ANO4: variants seen among roughly 807,000 people sequenced by gnomAD.
ANO4 encodes anoctamin-4.
In ANO4, 69 loss-of-function variants were observed where a neutral mutation model predicts 141.9. That is an observed-to-expected ratio of 0.49 (90% confidence interval 0.40 to 0.59). The LOEUF is 0.59. Among genes scored for constraint, ANO4 ranks in the 20% least tolerant of loss-of-function variants. The probability of loss-of-function intolerance (pLI) is 0.00; values close to 1 mark genes in which losing one functional copy is unlikely to be tolerated. For synonymous variants in ANO4, 350 were observed against 394.3 expected (o/e 0.89, Z 1.33); for missense variants, 894 against 1,162.2 (o/e 0.77, Z 3.36).
intron 5 of ANO4, among the ~76,000 whole-genome samples, chr12:100,943,902 C>T (rs2042611293): frequency 6.6e-6 from 1 of 152,012 alleles, no homozygotes; most frequent in South Asian, 2.1e-4. Context: ...ATTCTCATTC[C>T]TAAGTGGCAG....
chr12:101,116,580 T>A (rs915798846), intron 24 of ANO4, 99 bp from the exon 25 acceptor site: 1 of 1,554,890 alleles, frequency 6.4e-7, no homozygotes, highest in African/African-American at 1.4e-5. Context: ...GTTAAAGGCA[T>A]TTACAATTGC....
intron 1 of ANO4, among the ~76,000 whole-genome samples, chr12:100,899,328 A>C (rs570258529): frequency 6.6e-6 from 1 of 152,346 alleles, no homozygotes; most frequent in African/African-American, 2.4e-5. Flanking sequence ...GTTAGCTCAC[A>C]CTGAGAACCC....
intron 5 of ANO4, among the ~76,000 whole-genome samples, chr12:100,968,164 G>C (rs1399597232): frequency 2.6e-5 from 4 of 152,102 alleles, no homozygotes; most frequent in Non-Finnish European, 1.5e-5. Flanking sequence ...AATCAAAACA[G>C]CTATCCTTTT....
chr12:100,934,447 A>T (rs944416052), intron 3 of ANO4, among the ~76,000 whole-genome samples: 1 of 151,910 alleles, frequency 6.6e-6, no homozygotes, highest in Non-Finnish European at 1.5e-5. Flanking sequence ...GTTCCGTTCC[A>T]TTGGTCTATA....
intron 8 of ANO4, among the ~76,000 whole-genome samples, chr12:100,993,660 T>C (rs1263978876): frequency 6.6e-6 from 1 of 152,102 alleles, no homozygotes; most frequent in African/African-American, 2.4e-5. Flanking sequence ...TATTCTGCCA[T>C]CCCCTAAATC....
Position 100,947,421 on chromosome 12 carries a change from G to A in ANO4, c.456+4886G>A, listed in dbSNP as rs142739812. ...TGTCCTGTCCATACTCATTGGTAAG[G>A]CCAACCCTTCACTTTGCTTCTAAGA... On this transcript the variant is annotated intron_variant, in intron 5 of 27. Coordinates refer to ENST00000392977, the MANE Select transcript of ANO4 (RefSeq NM_001286615.2). Among the ~76,000 whole-genome samples, 37 of 152,250 alleles carry A rather than the reference G, an allele frequency of 2.4e-4. No homozygotes were observed. The East Asian group carries it at 6.4e-3, about 26-fold the overall frequency.
intron 1 of ANO4, among the ~76,000 whole-genome samples, chr12:100,811,224 A>G (rs1418738506): frequency 6.6e-6 from 1 of 152,202 alleles, no homozygotes; most frequent in Non-Finnish European, 1.5e-5. Context: ...GCTGAAAATT[A>G]TAAATTACCT....
chr12:100,761,054 C>T (rs1219991251), intron 3 of ANO4, among the ~76,000 whole-genome samples: 6 of 152,146 alleles, frequency 3.9e-5, no homozygotes, highest in Non-Finnish European at 8.8e-5. Context: ...TCCTTAATGC[C>T]TCTAGCCATT....
chr12:100,936,736 AT>A (rs1202045561), intron 3 of ANO4, among the ~76,000 whole-genome samples: 1 of 152,130 alleles, frequency 6.6e-6, no homozygotes, highest in African/African-American at 2.4e-5. Context: ...TAAGACCAAA[AT>A]ACTCACTTTA....
At chr12:100,926,569 G>A (rs561469996) in intron 3 of ANO4, among the ~76,000 whole-genome samples, 18 of 151,842 alleles carry the variant, frequency 1.2e-4, no homozygotes, top group South Asian at 2.1e-4. Flanking sequence ...TTAGGAACAG[G>A]CATTTACATG....
intron 2 of ANO4, among the ~76,000 whole-genome samples, chr12:100,921,887 G>A (rs1040241638): frequency 6.6e-6 from 1 of 152,192 alleles, no homozygotes; most frequent in African/African-American, 2.4e-5. Context: ...AATCCATGTG[G>A]AAGCTGAAAA....
chr12:100,890,064 G>C (rs892700036), intron 1 of ANO4, among the ~76,000 whole-genome samples: 1 of 151,682 alleles, frequency 6.6e-6, no homozygotes, highest in African/African-American at 2.4e-5. Context: ...TTATAGTTAT[G>C]TCAGTATTAA....
intron 1 of ANO4, among the ~76,000 whole-genome samples, chr12:100,720,018 C>G (rs962765649): frequency 6.6e-6 from 1 of 152,194 alleles, no homozygotes; most frequent in Non-Finnish European, 1.5e-5. Context: ...ATACTCACCA[C>G]TGACATTTAT....
chr12:101,009,822 G>A (rs2046011275), intron 8 of ANO4, among the ~76,000 whole-genome samples: 1 of 151,804 alleles, frequency 6.6e-6, no homozygotes, highest in Non-Finnish European at 1.5e-5. Context: ...TTCCTTTTTT[G>A]TCTTTCTGGA....
At chr12:101,014,031 A>G (rs537323674) in intron 8 of ANO4, among the ~76,000 whole-genome samples, 52 of 152,176 alleles carry the variant, frequency 3.4e-4, no homozygotes, top group Non-Finnish European at 5.6e-4. Context: ...CATGTTATCT[A>G]TGAAGGTGTA....
chr12:100,725,178 G>A (rs2031053578), intron 1 of ANO4, among the ~76,000 whole-genome samples: 1 of 152,088 alleles, frequency 6.6e-6, no homozygotes, highest in Non-Finnish European at 1.5e-5. Flanking sequence ...AAGCAGGCTT[G>A]TAATATGTTT....
intron 1 of ANO4, among the ~76,000 whole-genome samples, chr12:100,891,773 A>C (rs1593657195): frequency 6.6e-6 from 1 of 152,204 alleles, no homozygotes; most frequent in East Asian, 1.9e-4. Flanking sequence ...GAGAATGCTT[A>C]AAATTACTCT....
chr12:100,838,272 T>C (rs1042746519), intron 1 of ANO4, among the ~76,000 whole-genome samples: 3 of 148,516 alleles, frequency 2.0e-5, no homozygotes, highest in East Asian at 2.0e-4. Context: ...AGTTACCACC[T>C]GCTGCTATAA....
chr12:100,833,405 A>G (rs1593460750), intron 1 of ANO4, among the ~76,000 whole-genome samples: 2 of 152,222 alleles, frequency 1.3e-5, no homozygotes, highest in East Asian at 1.9e-4. Context: ...TCACTAATTT[A>G]TATTCAAATT....
Sources: gnomAD v4.1 joint callset for allele counts (sites outside exome capture counted in the v4.1 genomes callset) on GRCh38, gnomAD v4.1.1 for gene constraint, MANE v1.5 for transcripts, NCBI Gene and HGNC (gene_info 2026-07-23, HGNC 2026-07-21) for gene names.